Variants in MICAL2 observed in about 807,000 individuals in gnomAD.
MICAL2 encodes [F-actin]-monooxygenase MICAL2.
MICAL2 carries 77 observed loss-of-function variants against 127.3 expected under a neutral mutation model. The observed-to-expected ratio is 0.60, with a 90% CI of 0.50 to 0.73. MICAL2 has a LOEUF of 0.73. Ranked by LOEUF, MICAL2 falls within the 30% of genes least tolerant of loss-of-function variation. MICAL2 has a pLI of 0.00. For synonymous variants in MICAL2, 570 were observed against 551.1 expected (o/e 1.03, Z -0.48); for missense variants, 1,351 against 1,434.4 (o/e 0.94, Z 0.94).
chr11:12,174,983 T>C (rs1471373777), intron 3 of MICAL2, among the ~76,000 whole-genome samples: 1 of 151,890 alleles, frequency 6.6e-6, no homozygotes, highest in East Asian at 1.9e-4. Context: ...AGTAGTCTGG[T>C]GTGGTGGAAT....
rs189104486 is a variant in MICAL2 at position 12,234,567 on chromosome 11, C to T, written c.1996-1610C>T. 6.8e-4 allele frequency among the ~76,000 whole-genome samples: 104 copies of T among 152,324 alleles called. 3 individuals are homozygous for T. The South Asian group carries it at 0.018, about 26-fold the overall frequency. On this transcript the variant is annotated intron_variant, in intron 15 of 27. Transcript: ENST00000683283. ...ATGATTTATCAGAAGCTGAGGAAAA[C>T]GTTCAAGAGAAGGCAGGGCCCTTTG...
intron 1 of MICAL2, among the ~76,000 whole-genome samples, chr11:12,136,064 G>A (rs1436490952): frequency 6.6e-6 from 1 of 152,060 alleles, no homozygotes; most frequent in East Asian, 1.9e-4. Context: ...CATCCAAGAG[G>A]AAGGCTCCCG....
At chr11:12,111,097 G>C (rs1849569321) in intron 1 of MICAL2, among the ~76,000 whole-genome samples, 1 of 152,224 alleles carries the variant, frequency 6.6e-6, no homozygotes, top group African/African-American at 2.4e-5. Flanking sequence ...CCTGGCAGAA[G>C]ACCATCCCCA....
At chr11:12,181,791 C>A (rs571890756) in intron 3 of MICAL2, among the ~76,000 whole-genome samples, 6 of 152,242 alleles carry the variant, frequency 3.9e-5, no homozygotes, top group African/African-American at 1.4e-4. Context: ...GAAAAGTTGA[C>A]AACTGTCCCC....
intron 17 of MICAL2, among the ~76,000 whole-genome samples, chr11:12,240,085 G>A (rs1269034288): frequency 2.0e-5 from 3 of 152,240 alleles, no homozygotes; most frequent in African/African-American, 7.2e-5. Context: ...ATCCTAACCA[G>A]AGGAACTGAG....
chr11:12,230,720 C>A lies in MICAL2; in HGVS notation c.1995+3589C>A, dbSNP rs527840437. 1.6e-3 allele frequency among the ~76,000 whole-genome samples: 246 copies of A among 151,892 alleles called. 1 individual carries two copies. Among genetic ancestry groups the A allele is most frequent in the African/African-American group, 5.5e-3 (229 of 41,262 alleles). ...ACGATGTTAAATTCTTCTTTCCCCC[C>A]CCATCTTATTTTCCTGATAACATGC... On this transcript the variant is annotated intron_variant, in intron 15 of 27. Coordinates refer to ENST00000683283, the MANE Select transcript of MICAL2 (RefSeq NM_001282663.2).
rs565408349 is a variant in MICAL2 at position 12,318,579 on chromosome 11, T to C, written c.5213-1117T>C. On this transcript the variant is annotated intron_variant, in intron 29 of 34. Transcript: ENST00000646065. ...AAAGGCAGGCTGGAGAGAATGTTAG[T>C]TGACGTGGAGGTGCTTCTCCTTTCC... Among the ~76,000 whole-genome samples, 4 of 152,330 alleles carry C rather than the reference T, an allele frequency of 2.6e-5. No individual in the cohort carries two copies. In the South Asian group the frequency reaches 6.2e-4, roughly 24 times the overall value.
In MICAL2 at chr11:12,256,749, G is replaced by A. The variant is rs747290090; in HGVS notation, c.2956-36G>A. The A allele has an allele frequency of 1.7e-5, 27 of 1,563,592 alleles. No homozygotes were observed. In the East Asian group the frequency reaches 5.4e-4, roughly 32 times the overall value. ...CCTGGCATTTGAAGGCTCGGGATAA[G>A]CCATAATACACCCACTCTTCTCTCC... On this transcript the variant is annotated intron_variant, in intron 23 of 27. Transcript: ENST00000683283.
intron 33 of MICAL2, among the ~76,000 whole-genome samples, chr11:12,350,131 C>A (rs887128083): frequency 6.6e-6 from 1 of 152,224 alleles, no homozygotes; most frequent in Admixed American, 6.5e-5. Context: ...TCTGTTCTTT[C>A]TCTCTGCAGA....
At chr11:12,116,351 ATTTTTTTTTTTTT>A (rs56280931) in intron 1 of MICAL2, among the ~76,000 whole-genome samples, 1 of 107,738 alleles carries the variant, frequency 9.3e-6, no homozygotes, top group Non-Finnish European at 1.8e-5. Flanking sequence ...CTTGATTTTG[ATTTTTTTTTTTTT>A]TTTTTTTTTT....
chr11:12,279,760 G>A (rs1354583542), intron 1 of MICAL2, among the ~76,000 whole-genome samples: 4 of 152,172 alleles, frequency 2.6e-5, no homozygotes, highest in African/African-American at 7.2e-5. Context: ...GTCTCAGACC[G>A]TATCCATAAA....
At chr11:12,226,073 A>G (rs2270508) in intron 13 of MICAL2, 98 bp from the exon 14 acceptor site, 14,323 of 1,149,360 alleles carry the variant, frequency 0.012, 711 homozygotes, top group African/African-American at 0.12. Context: ...CACCTGGCAG[A>G]GTGTCACCCT....
chr11:12,227,014 T>C lies in MICAL2; in HGVS notation c.1889-11T>C. On this transcript the variant is annotated splice_polypyrimidine_tract_variant and intron_variant, in intron 14 of 27. Transcript: ENST00000683283. ...GGTTCCAAATCACAGTTGCGCTTTA[T>C]TTCCCAACAGATTCTTGGCGCAAAA... 6.2e-7 allele frequency: 1 copy of C among 1,608,918 alleles called. No homozygotes were observed. Among genetic ancestry groups the C allele is most frequent in the Non-Finnish European group, 8.5e-7 (1 of 1,175,372 alleles).
chr11:12,276,301 G>A (rs372982068), intron 1 of MICAL2: 15 of 397,334 alleles, frequency 3.8e-5, no homozygotes, highest in Middle Eastern at 6.2e-4. Flanking sequence ...GTAAAATGGC[G>A]ACAATCATAG....
intron 3 of MICAL2, among the ~76,000 whole-genome samples, chr11:12,178,454 T>C (rs1282872384): frequency 6.8e-6 from 1 of 147,418 alleles, no homozygotes; most frequent in Non-Finnish European, 1.5e-5. Context: ...AATCAATACA[T>C]GTAAGGTATG....
At chr11:12,273,018 G>A (rs867225394), upstream of MICAL2, among the ~76,000 whole-genome samples, 3 of 152,174 alleles carry the variant, frequency 2.0e-5, no homozygotes, top group South Asian at 2.1e-4. Context: ...AGCGTAAAGC[G>A]CAACTCTAGT....
chr11:12,262,000 G>A (rs534158235), intron 26 of MICAL2: 9 of 1,000,082 alleles, frequency 9.0e-6, no homozygotes, highest in South Asian at 8.7e-5. Flanking sequence ...CATGAAGCCC[G>A]AGTCGGAATC....
At chr11:12,347,257 C>A (rs567072764) in intron 32 of MICAL2, among the ~76,000 whole-genome samples, 1 of 152,332 alleles carries the variant, frequency 6.6e-6, no homozygotes, top group African/African-American at 2.4e-5. Flanking sequence ...AATCCTCCCT[C>A]CCCTGTGTGC....
downstream of MICAL2, among the ~76,000 whole-genome samples, chr11:12,288,794 T>G (rs1414982533): frequency 6.6e-6 from 1 of 152,156 alleles, no homozygotes. Flanking sequence ...CTCCAAGACT[T>G]TGAGGGGGAT....
Sources: gnomAD v4.1 joint callset for allele counts (sites outside exome capture counted in the v4.1 genomes callset) on GRCh38, gnomAD v4.1.1 for gene constraint, MANE v1.5 for transcripts, NCBI Gene and HGNC (gene_info 2026-07-23, HGNC 2026-07-21) for gene names.